HSD17B3: variants seen among roughly 807,000 people sequenced by gnomAD.
The protein encoded by HSD17B3 is 17-beta-hydroxysteroid dehydrogenase type 3.
Under a neutral mutation model 41.1 loss-of-function variants are expected in HSD17B3, and 29 were observed. The observed-to-expected ratio is 0.71, with a 90% CI of 0.53 to 0.96. The LOEUF (loss-of-function observed/expected upper bound fraction) is 0.96. Ranked by LOEUF, HSD17B3 falls within the 40% of genes least tolerant of loss-of-function variation. The pLI is 0.00. For missense variants in HSD17B3, 323 were observed against 374.6 expected (o/e 0.86, Z 1.14); for synonymous variants, 126 against 145.6 (o/e 0.87, Z 0.97).
intron 9 of HSD17B3, 125 bp downstream of exon 9, chr9:96,244,204 G>A (rs906075363): frequency 1.1e-4 from 104 of 946,900 alleles, no homozygotes; most frequent in Non-Finnish European, 1.7e-4. Flanking sequence ...GACCACACAT[G>A]AGCAGCCAGA....
At chr9:96,261,470 C>A (rs1825855301) in intron 2 of HSD17B3, among the ~76,000 whole-genome samples, 1 of 152,316 alleles carries the variant, frequency 6.6e-6, no homozygotes, top group African/African-American at 2.4e-5. Context: ...GCTGGGATTA[C>A]AGGCATGAGC....
At chr9:96,257,805 C>T (rs921897522) in intron 2 of HSD17B3, among the ~76,000 whole-genome samples, 11 of 152,158 alleles carry the variant, frequency 7.2e-5, no homozygotes, top group African/African-American at 2.7e-4. Flanking sequence ...TGTGGGACTA[C>T]AGATGCGTGC....
At chr9:96,259,317 G>T (rs1825776147) in intron 2 of HSD17B3, among the ~76,000 whole-genome samples, 1 of 152,104 alleles carries the variant, frequency 6.6e-6, no homozygotes, top group Non-Finnish European at 1.5e-5. Flanking sequence ...GAATTATTTT[G>T]GATAGAAGAC....
At chr9:96,264,896 G>C (rs928819723) in intron 2 of HSD17B3, among the ~76,000 whole-genome samples, 1 of 152,088 alleles carries the variant, frequency 6.6e-6, no homozygotes, top group African/African-American at 2.4e-5. Flanking sequence ...CAATTAATAA[G>C]ACCAGAATCG....
intron 3 of HSD17B3, 115 bp downstream of exon 3, chr9:96,254,753 G>T: frequency 1.1e-6 from 1 of 875,346 alleles, no homozygotes; most frequent in Non-Finnish European, 1.9e-6. Flanking sequence ...AGGAGAGCTG[G>T]TGCCCCAGGC....
At chr9:96,276,574 CA>C (rs1826466700) in intron 2 of HSD17B3, among the ~76,000 whole-genome samples, 1 of 152,076 alleles carries the variant, frequency 6.6e-6, no homozygotes, top group South Asian at 2.1e-4. Flanking sequence ...ACCAATGGAA[CA>C]GAATAGAGAG....
chr9:96,271,283 A>C (rs1826236400), intron 2 of HSD17B3, among the ~76,000 whole-genome samples: 1 of 152,204 alleles, frequency 6.6e-6, no homozygotes, highest in Non-Finnish European at 1.5e-5. Context: ...TAAATAAACA[A>C]AGCAAAGTTT....
chr9:96,236,033 C>A (rs926239096), intron 10 of HSD17B3, among the ~76,000 whole-genome samples: 3 of 150,970 alleles, frequency 2.0e-5, no homozygotes, highest in African/African-American at 7.3e-5. Flanking sequence ...TGTTCTCAAA[C>A]TCCCGGACTT....
chr9:96,251,183 T>A (rs1836887260), intron 5 of HSD17B3: 2 of 583,866 alleles, frequency 3.4e-6, no homozygotes, highest in East Asian at 5.6e-5. Flanking sequence ...CAGGTAAGTT[T>A]TGATGTGCAG....
intron 2 of HSD17B3, among the ~76,000 whole-genome samples, chr9:96,270,779 T>C (rs1267041299): frequency 1.3e-5 from 2 of 152,234 alleles, no homozygotes; most frequent in East Asian, 3.8e-4. Context: ...GGCACTAGAA[T>C]GGCCCAGATG....
In HSD17B3 at chr9:96,248,333, C is replaced by T. The variant is rs955036859; in HGVS notation, c.489+1418G>A. 6.6e-5 allele frequency among the ~76,000 whole-genome samples: 10 copies of T among 152,324 alleles called. No homozygotes were observed. In the South Asian group the frequency reaches 1.7e-3, roughly 25 times the overall value. ...AACAACCAAATAGTTATTGTCCGCC[C>T]AACTTATTCACCTGAAAAGAAAAAA... On this transcript the variant is annotated intron_variant, in intron 6 of 10. Coordinates refer to ENST00000375263, the MANE Select transcript of HSD17B3 (RefSeq NM_000197.2).
chr9:96,238,404 G>A (rs1836308227), intron 10 of HSD17B3, among the ~76,000 whole-genome samples: 1 of 152,082 alleles, frequency 6.6e-6, no homozygotes, highest in Admixed American at 6.5e-5. Flanking sequence ...GCTCACGCCT[G>A]TAATCCCAGC....
At chr9:96,260,343 C>T (rs1005733004) in intron 2 of HSD17B3, among the ~76,000 whole-genome samples, 5 of 152,202 alleles carry the variant, frequency 3.3e-5, no homozygotes, top group Non-Finnish European at 7.3e-5. Context: ...GAAAGTCCCA[C>T]ATCTGAAATC....
At chr9:96,264,161 C>T (rs1296430874) in intron 2 of HSD17B3, among the ~76,000 whole-genome samples, 1 of 152,058 alleles carries the variant, frequency 6.6e-6, no homozygotes, top group Non-Finnish European at 1.5e-5. Context: ...AAAGAATAGG[C>T]ATTTTTTGCA....
chr9:96,276,070 C>T (rs540288112), intron 2 of HSD17B3, among the ~76,000 whole-genome samples: 17 of 132,382 alleles, frequency 1.3e-4, no homozygotes, highest in Non-Finnish European at 2.0e-4. Flanking sequence ...CACACCACTG[C>T]ACTCCAACCT....
At chr9:96,272,435 AT>A (rs1564048537) in intron 2 of HSD17B3, among the ~76,000 whole-genome samples, 17 of 92,726 alleles carry the variant, frequency 1.8e-4, no homozygotes, top group East Asian at 3.6e-4. Context: ...ATATATATAT[AT>A]ATATATATAT....
rs367885210 is a variant in HSD17B3 at position 96,251,475 on chromosome 9, G to A, written c.396C>T (p.Val132=). ...TTGGGAGAAGGTTTGGAAGCATTCC[G>A]ACATTGTTGACTGGCAGAAAGAAGC... ...GLEIGILVNN[V]GMLPNLLPSH... Residue 132 remains valine, a synonymous_variant, in exon 5 of 11, where the codon GTC becomes GTT. Coordinates refer to ENST00000375263, the MANE Select transcript of HSD17B3 (RefSeq NM_000197.2). The A allele has an allele frequency of 9.9e-6, 16 of 1,613,908 alleles. No individual in the cohort carries two copies. Among genetic ancestry groups the A allele is most frequent in the African/African-American group, 2.7e-5 (2 of 74,926 alleles).
At chr9:96,255,037 C>T in intron 2 of HSD17B3, 94 bp from the exon 3 acceptor site, 1 of 1,014,844 alleles carries the variant, frequency 9.9e-7, no homozygotes, top group African/African-American at 1.6e-5. Flanking sequence ...TGTGCACATA[C>T]TGGCAGGGTG....
At chr9:96,274,316 G>GT (rs1826369565) in intron 2 of HSD17B3, among the ~76,000 whole-genome samples, 1 of 152,130 alleles carries the variant, frequency 6.6e-6, no homozygotes, top group South Asian at 2.1e-4. Context: ...GTGCACACCT[G>GT]TAATCCCAGC....
Sources: gnomAD v4.1 joint callset for allele counts (sites outside exome capture counted in the v4.1 genomes callset) on GRCh38, gnomAD v4.1.1 for gene constraint, MANE v1.5 for transcripts, NCBI Gene and HGNC (gene_info 2026-07-23, HGNC 2026-07-21) for gene names.